NOTCH1: variants seen among roughly 807,000 people sequenced by gnomAD.
NOTCH1 encodes notch receptor 1.
In NOTCH1, 37 loss-of-function variants were observed where a neutral mutation model predicts 254.8. The observed-to-expected ratio is 0.15, with a 90% CI of 0.11 to 0.19. The LOEUF (loss-of-function observed/expected upper bound fraction) is 0.19, where lower values mean the gene tolerates loss of function less well. Among genes scored for constraint, NOTCH1 ranks in the 10% least tolerant of loss-of-function variants. NOTCH1 has a pLI of 1.00. For missense variants in NOTCH1, 2,972 were observed against 3,708.6 expected (o/e 0.80, Z 5.16); for synonymous variants, 1,731 against 1,618.1 (o/e 1.07, Z -1.68).
Position 136,509,957 on chromosome 9 carries a change from C to T in NOTCH1, c.2745G>A (p.Pro915=), listed in dbSNP as rs766331471. The change falls in exon 18 of 34, where the codon CCG becomes CCA. Residue 915 remains proline (P), a synonymous_variant. Coordinates refer to ENST00000651671, the MANE Select transcript of NOTCH1 (RefSeq NM_017617.5). ...CTGTGCAGGAGCCCCCGTTGTGACA[C>T]GGGTCTGGGAGAGGACGGAAGGGTG... is the stretch of plus-strand genomic sequence containing the variant. The part of the protein sequence containing the change: ...ETDIDDCRPN[P]CHNGGSCTDG... 25 of 1,612,860 alleles carry T rather than the reference C, an allele frequency of 1.6e-5. 1 individual carries two copies. The highest frequency in any genetic ancestry group is 5.3e-5 in the African/African-American group (4 of 74,938).
At chr9:136,518,926 C>G (rs1401627835) in intron 5 of NOTCH1, 102 bp from the exon 6 acceptor site, 1 of 957,320 alleles carries the variant, frequency 1.0e-6, no homozygotes, top group Non-Finnish European at 1.6e-6. Flanking sequence ...AGGAAGCCTT[C>G]CTGGGCTGAC....
chr9:136,530,505 G>T (rs1370460381), intron 2 of NOTCH1, among the ~76,000 whole-genome samples: 1 of 152,166 alleles, frequency 6.6e-6, no homozygotes, highest in African/African-American at 2.4e-5. Context: ...CCACTCTGGG[G>T]GCATGTGGCC....
At chr9:136,527,150 G>C (rs1843474017) in intron 2 of NOTCH1, among the ~76,000 whole-genome samples, 1 of 152,208 alleles carries the variant, frequency 6.6e-6, no homozygotes, top group East Asian at 1.9e-4. Flanking sequence ...GCAGCCTCCA[G>C]CCTGTGCCCG....
chr9:136,531,463 G>C (rs1450258726), intron 2 of NOTCH1, among the ~76,000 whole-genome samples: 3 of 152,216 alleles, frequency 2.0e-5, no homozygotes, highest in African/African-American at 7.2e-5. Context: ...GCCCCACCCA[G>C]ACGGTCTGGA....
chr9:136,504,124 A>G (rs547178183), intron 26 of NOTCH1, among the ~76,000 whole-genome samples: 2 of 152,212 alleles, frequency 1.3e-5, no homozygotes, highest in Admixed American at 1.3e-4. Context: ...ACCAAGCGGC[A>G]TTCTTGTCTG....
chr9:136,517,604 TCA>T (rs1843296785), intron 8 of NOTCH1, 146 bp downstream of exon 8: 1 of 1,093,686 alleles, frequency 9.1e-7, no homozygotes, highest in Middle Eastern at 2.8e-4. Context: ...TGGCCTGGCC[TCA>T]GTTTCCCCAT....
At position 136,514,751 on chromosome 9, in the gene NOTCH1, C is replaced by T. The variant is rs746626783; in HGVS notation, c.2015-49G>A. The stretch of plus-strand genomic sequence containing the variant: ...CCGAGGCCCAGCGCCCAGGGGGTCC[C>T]ACCCACGTCAACCTCGATTTCCCTG... On this transcript the variant is annotated intron_variant, in intron 12 of 33. Coordinates refer to ENST00000651671, the MANE Select transcript of NOTCH1 (RefSeq NM_017617.5). The T allele has an allele frequency of 4.5e-6, 7 of 1,569,562 alleles. No homozygotes were observed. The South Asian group carries it at 6.8e-5, about 15-fold the overall frequency.
intron 17 of NOTCH1, 45 bp from the exon 18 acceptor site, chr9:136,510,006 C>G (rs767470928): frequency 6.4e-7 from 1 of 1,567,324 alleles, no homozygotes; most frequent in Non-Finnish European, 8.7e-7. Context: ...GGCACAAACC[C>G]ACACCTGCGG....
At chr9:136,517,527 G>T in intron 8 of NOTCH1, 142 bp from the exon 9 acceptor site, 1 of 814,372 alleles carries the variant, frequency 1.2e-6, no homozygotes, top group Non-Finnish European at 2.0e-6. Flanking sequence ...CCGCTCCCCT[G>T]CAGCCCGTGG....
At chr9:136,510,539 C>A in intron 17 of NOTCH1, 114 bp downstream of exon 17, 2 of 1,407,700 alleles carry the variant, frequency 1.4e-6, no homozygotes, top group South Asian at 2.5e-5. Context: ...CCCTCCCCGG[C>A]CACACTCCGG....
chr9:136,511,413 C>A, intron 15 of NOTCH1, 142 bp from the exon 16 acceptor site: 1 of 1,086,054 alleles, frequency 9.2e-7, no homozygotes, highest in Middle Eastern at 2.1e-4. Context: ...GACCCCTGAG[C>A]GCTCCCGGCT....
chr9:136,541,587 C>T (rs1378168882), intron 2 of NOTCH1, among the ~76,000 whole-genome samples: 2 of 152,180 alleles, frequency 1.3e-5, no homozygotes, highest in Non-Finnish European at 2.9e-5. Flanking sequence ...TGCAGGTGCC[C>T]TGGCTAACTC....
At position 136,506,967 on chromosome 9, in the gene NOTCH1, T is replaced by C. The variant is rs1419481208; in HGVS notation, c.3650A>G (p.His1217Arg). Residue 1217 changes from histidine to arginine, a missense_variant, in exon 23 of 34, where the codon CAC (histidine) becomes CGC (arginine). His to Arg is a conservative substitution (Grantham distance 29). This residue lies in a region of NOTCH1 where 1,343 missense variants were observed against 1,557.0 expected (regional missense o/e 0.86). Coordinates refer to ENST00000651671, the MANE Select transcript of NOTCH1 (RefSeq NM_017617.5). This position sits in a 1 kb window ranked among gnomAD's most constrained non-coding sequence, Gnocchi z 4.5. ...GCAGTCGTCCACGTTGATCTCACAG[T>C]GCACACCTGCGGGGCCAGGTTTCGT... ...CSCPRGTQGV[H>R]CEINVDDCNP... The C allele has an allele frequency of 1.2e-6, 2 of 1,603,536 alleles. No individual in the cohort carries two copies. The highest frequency in any genetic ancestry group is 1.7e-6 in the Non-Finnish European group (2 of 1,176,400).
At chr9:136,520,102 A>T (rs753764178) in intron 4 of NOTCH1, among the ~76,000 whole-genome samples, 1 of 151,570 alleles carries the variant, frequency 6.6e-6, no homozygotes, top group Non-Finnish European at 1.5e-5. Context: ...CCTCCTCCAC[A>T]GGCTGCCAGG....
rs966330650 is a variant in NOTCH1, at chr9:136,506,408, T to C, written c.4014+119A>G. On this transcript the variant is annotated intron_variant, in intron 24 of 33. Transcript: ENST00000651671. This position sits in a 1 kb window ranked among gnomAD's most constrained non-coding sequence, Gnocchi z 4.5. ...TAAAAAAAAAAAAAAGACATCAGGG[T>C]GAGGAGGAGGATGAAGGCCGGGAGG... The C allele has an allele frequency of 1.4e-6, 1 of 702,284 alleles. No homozygotes were observed. The highest frequency in any genetic ancestry group is 2.4e-6 in the Non-Finnish European group (1 of 423,626). 43.5% of individuals were successfully genotyped at this position (702,284 alleles called of 1,614,324 possible).
chr9:136,510,553 C>T, intron 17 of NOTCH1, 100 bp downstream of exon 17: 2 of 1,469,598 alleles, frequency 1.4e-6, no homozygotes, highest in Non-Finnish European at 9.2e-7. Context: ...ACTCCGGCCT[C>T]CCTGGGTGCT....
chr9:136,517,404 G>C lies in NOTCH1; in HGVS notation c.1442-19C>G. 1.3e-6 allele frequency: 2 copies of C among 1,525,512 alleles called. No individual in the cohort carries two copies. Among genetic ancestry groups the C allele is most frequent in the Non-Finnish European group, 1.8e-6 (2 of 1,113,868 alleles). The allele number at this position is 1,525,512 out of a possible 1,614,324, so 94.5% of individuals were successfully genotyped here. ...TCGTAGCCTGTGGGGTGGGGCAACA[G>C]TGAGGGGGGCACGCGCGGCCCCAGT... On this transcript the variant is annotated intron_variant, in intron 8 of 33. Coordinates refer to ENST00000651671, the MANE Select transcript of NOTCH1 (RefSeq NM_017617.5).
chr9:136,526,485 G>A (rs996765207), intron 2 of NOTCH1, among the ~76,000 whole-genome samples: 2 of 152,220 alleles, frequency 1.3e-5, no homozygotes, highest in African/African-American at 2.4e-5. Flanking sequence ...GCTCCAAGGA[G>A]CGGGAAAAGC....
chr9:136,514,496 G>T lies in NOTCH1; in HGVS notation c.2207+14C>A, dbSNP rs369626003. 6.4e-7 allele frequency: 1 copy of T among 1,558,792 alleles called. No homozygotes were observed. The highest frequency in any genetic ancestry group is 8.7e-7 in the Non-Finnish European group (1 of 1,152,916). On this transcript the variant is annotated intron_variant, in intron 13 of 33. Transcript: ENST00000651671. ...TAGGACTGATGTGTCCCCATGATCG[G>T]CCCCGCCGCATACCCGTTGAGGCTG...
Sources: allele counts gnomAD v4.1 joint callset (sites outside exome capture counted in the v4.1 genomes callset), GRCh38; gene constraint gnomAD v4.1.1; regional missense constraint gnomAD v4.1.1; non-coding constraint Gnocchi (gnomAD v3.1); transcripts MANE v1.5; gene names NCBI Gene and HGNC (gene_info 2026-07-23, HGNC 2026-07-21).